PLCG2: variants seen among roughly 807,000 people sequenced by gnomAD.
The protein encoded by PLCG2 is phospholipase C gamma 2.
In PLCG2, 69 loss-of-function variants were observed where a neutral mutation model predicts 175.6. That is an observed-to-expected ratio of 0.39 (90% CI 0.32 to 0.48). The LOEUF is 0.48. PLCG2 is among the 20% of genes least tolerant of loss of function. The probability of loss-of-function intolerance (pLI) is 0.91; values close to 1 mark genes in which losing one functional copy is unlikely to be tolerated. For synonymous variants in PLCG2, 827 were observed against 624.0 expected (o/e 1.33, Z -4.85); for missense variants, 1,798 against 1,650.9 (o/e 1.09, Z -1.54).
chr16:81,881,674 T>C (rs897633579), intron 8 of PLCG2, among the ~76,000 whole-genome samples: 1 of 152,210 alleles, frequency 6.6e-6, no homozygotes, highest in African/African-American at 2.4e-5. Flanking sequence ...AGACGGAGCC[T>C]CCCTTTGTCG....
chr16:81,776,328 C>G (rs926549154), upstream of PLCG2, among the ~76,000 whole-genome samples: 1 of 151,662 alleles, frequency 6.6e-6, no homozygotes, highest in South Asian at 2.1e-4. Context: ...GCAGGATGGT[C>G]TTGATCTTCC....
At chr16:81,748,984 G>T (rs187186357) in intron 1 of PLCG2, among the ~76,000 whole-genome samples, 277 of 152,292 alleles carry the variant, frequency 1.8e-3, no homozygotes, top group Non-Finnish European at 3.4e-3. Context: ...CCTGTGGCGG[G>T]GGGTGGCAGG....
rs781434235 is a variant in PLCG2, at chr16:81,908,519, C to T, written c.1661C>T (p.Thr554Met). 28 of 1,613,706 alleles carry T rather than the reference C, an allele frequency of 1.7e-5. No individual in the cohort carries two copies. The highest frequency in any genetic ancestry group is 4.5e-5 in the East Asian group (2 of 44,890). ...EKLLQEYCMETGGKDGTFLVR... is the reference protein window; with the variant it reads ...EKLLQEYCMEMGGKDGTFLVR... Reference sequence around the variant, plus strand: ...TTGCTGCAGGAATACTGCATGGAGACGGGGGGCAAGGATGGCACCTTCCTG... The same window carrying T: ...TTGCTGCAGGAATACTGCATGGAGATGGGGGGCAAGGATGGCACCTTCCTG... Residue 554 changes from threonine (T) to methionine (M), a missense_variant, in exon 17 of 33, where the codon ACG becomes ATG. Thr to Met is a moderately conservative substitution (Grantham distance 81, BLOSUM62 -1). Coordinates refer to ENST00000564138, the MANE Select transcript of PLCG2 (RefSeq NM_002661.5).
intron 2 of PLCG2, among the ~76,000 whole-genome samples, chr16:81,807,762 G>A (rs1320202923): frequency 2.0e-5 from 3 of 152,174 alleles, no homozygotes; most frequent in African/African-American, 7.2e-5. Context: ...CAGCATGGCT[G>A]GAGGGGCCCC....
intron 7 of PLCG2, among the ~76,000 whole-genome samples, chr16:81,879,738 C>G (rs927889555): frequency 1.3e-5 from 2 of 152,086 alleles, no homozygotes; most frequent in Non-Finnish European, 1.5e-5. Flanking sequence ...CAGAAATGGA[C>G]AAGATGTGGG....
chr16:81,842,188 T>C (rs1273656177), intron 2 of PLCG2, among the ~76,000 whole-genome samples: 1 of 152,174 alleles, frequency 6.6e-6, no homozygotes, highest in Non-Finnish European at 1.5e-5. Context: ...CAGAACTCCC[T>C]ACAAAGGGAG....
chr16:81,882,563 C>T (rs1908137158), intron 8 of PLCG2, among the ~76,000 whole-genome samples: 1 of 152,146 alleles, frequency 6.6e-6, no homozygotes, highest in Admixed American at 6.5e-5. Context: ...ATTGGATAGG[C>T]ACACTCACAT....
chr16:81,796,792 G>T (rs905237372), intron 2 of PLCG2, among the ~76,000 whole-genome samples: 1 of 152,196 alleles, frequency 6.6e-6, no homozygotes, highest in African/African-American at 2.4e-5. Flanking sequence ...TCCCTCAGGA[G>T]GAACCAGCCT....
At chr16:81,876,068 G>A (rs780497194) in intron 7 of PLCG2, among the ~76,000 whole-genome samples, 18 of 128,160 alleles carry the variant, frequency 1.4e-4, no homozygotes, top group African/African-American at 3.2e-4. Context: ...CTTTGTCACC[G>A]AGGCTGGGGT....
intron 1 of PLCG2, chr16:81,739,466 C>G (rs560979588): frequency 6.6e-6 from 1 of 152,282 alleles, no homozygotes; most frequent in East Asian, 1.9e-4. Context: ...GGTACATTCT[C>G]TGGGAGCCCC....
intron 2 of PLCG2, among the ~76,000 whole-genome samples, chr16:81,763,291 C>T (rs1172623113): frequency 2.0e-5 from 3 of 152,206 alleles, no homozygotes; most frequent in Non-Finnish European, 4.4e-5. Context: ...TCCATTGCTG[C>T]ATAACAGATG....
chr16:81,924,168 G>A (rs1305775940), intron 22 of PLCG2, among the ~76,000 whole-genome samples: 3 of 152,192 alleles, frequency 2.0e-5, no homozygotes, highest in Non-Finnish European at 2.9e-5. Context: ...TTACCACTTC[G>A]CTTTTTAACC....
At chr16:81,860,163 A>T (rs1906898100) in intron 5 of PLCG2, among the ~76,000 whole-genome samples, 1 of 97,026 alleles carries the variant, frequency 1.0e-5, no homozygotes, top group Non-Finnish European at 2.4e-5. Context: ...TATTATTATT[A>T]TTATTATTAT....
At chr16:81,803,274 A>G (rs548976675) in intron 2 of PLCG2, among the ~76,000 whole-genome samples, 6 of 151,952 alleles carry the variant, frequency 3.9e-5, no homozygotes, top group Non-Finnish European at 8.8e-5. Flanking sequence ...GCCCACCACC[A>G]CGCCTGTCTA....
rs1007872984 is a variant in PLCG2, at chr16:81,880,948, C to T, written c.687C>T (p.Ile229=). ...DEFKKDSSVF[I]LGNTDRPDAS... is the part of the protein sequence containing the mutation. Reference sequence around the variant, plus strand: ...TCAAAAAGGATTCGTCCGTGTTCATCCTGGGGTGAGGCAGCTCTTGTGTGT... The same window carrying T: ...TCAAAAAGGATTCGTCCGTGTTCATTCTGGGGTGAGGCAGCTCTTGTGTGT... Residue 229 remains isoleucine, a synonymous_variant, in exon 8 of 33, where the codon ATC becomes ATT. Coordinates refer to ENST00000564138, the MANE Select transcript of PLCG2 (RefSeq NM_002661.5). 18 of 1,613,996 alleles carry T rather than the reference C, an allele frequency of 1.1e-5. No homozygotes were observed. Among genetic ancestry groups the T allele is most frequent in the African/African-American group, 1.3e-5 (1 of 74,934 alleles).
At chr16:81,930,422 C>T (rs1175196357) in intron 24 of PLCG2, among the ~76,000 whole-genome samples, 1 of 152,158 alleles carries the variant, frequency 6.6e-6, no homozygotes, top group Non-Finnish European at 1.5e-5. Context: ...TTTGCCTGCA[C>T]ATGGCTTTCT....
At chr16:81,808,403 G>A (rs754768051) in intron 2 of PLCG2, among the ~76,000 whole-genome samples, 2 of 152,208 alleles carry the variant, frequency 1.3e-5, no homozygotes, top group Admixed American at 6.5e-5. Context: ...CTGAGAGACT[G>A]TACTGGAGAG....
intron 19 of PLCG2, among the ~76,000 whole-genome samples, chr16:81,915,105 C>T (rs550351176): frequency 2.0e-4 from 30 of 152,122 alleles, no homozygotes; most frequent in Non-Finnish European, 4.3e-4. Context: ...GGTTTGAGCA[C>T]ATAAGGAAAT....
intron 2 of PLCG2, among the ~76,000 whole-genome samples, chr16:81,831,803 A>C (rs948067544): frequency 2.6e-5 from 4 of 152,200 alleles, no homozygotes; most frequent in Non-Finnish European, 5.9e-5. Flanking sequence ...CTTACCTTCT[A>C]GCTGTCTGCA....
Sources: gnomAD v4.1 joint callset for allele counts (sites outside exome capture counted in the v4.1 genomes callset) on GRCh38, gnomAD v4.1.1 for gene constraint, MANE v1.5 for transcripts, NCBI Gene and HGNC (gene_info 2026-07-23, HGNC 2026-07-21) for gene names.